Variants in RNF24 observed in about 807,000 individuals in gnomAD.
RNF24 encodes ring finger protein 24.
A neutral mutation model predicts 20.0 loss-of-function variants in RNF24; 14 were observed. The observed-to-expected ratio is 0.70, with a 90% CI of 0.46 to 1.10. The LOEUF is 1.10. Among genes scored for constraint, RNF24 ranks in the 50% least tolerant of loss-of-function variants. The pLI, the probability that RNF24 is intolerant of heterozygous loss-of-function variation, is 0.00. For synonymous variants in RNF24, 45 were observed against 61.1 expected (o/e 0.74, Z 1.23); for missense variants, 124 against 177.6 (o/e 0.70, Z 1.71).
intron 1 of RNF24, among the ~76,000 whole-genome samples, chr20:3,986,129 T>G (rs539997749): frequency 4.9e-4 from 74 of 152,312 alleles, no homozygotes; most frequent in African/African-American, 1.7e-3. Flanking sequence ...GAGACTTCAC[T>G]TTGAGGGCAA....
intron 1 of RNF24, among the ~76,000 whole-genome samples, chr20:4,000,676 T>C (rs1451001537): frequency 6.6e-6 from 1 of 152,218 alleles, no homozygotes; most frequent in Non-Finnish European, 1.5e-5. Flanking sequence ...CTAAGCTGGC[T>C]GCATAACTGA....
chr20:3,999,154 C>T lies in RNF24; in HGVS notation c.-8+16283G>A, dbSNP rs577287123. On this transcript the variant is annotated intron_variant, in intron 1 of 5. Coordinates refer to ENST00000358395, the MANE Select transcript of RNF24 (RefSeq NM_001134337.3). ...ATCATATAAGAATGTCTGAGTTATGCAGGATAGTCAGCTGGAAAATTAGTT... is the reference window on the plus strand; with the variant it reads ...ATCATATAAGAATGTCTGAGTTATGTAGGATAGTCAGCTGGAAAATTAGTT... Among the ~76,000 whole-genome samples the T allele has an allele frequency of 2.4e-4, 36 of 152,242 alleles. No individual in the cohort carries two copies. In the South Asian group the frequency reaches 7.5e-3, roughly 32 times the overall value.
In RNF24 at chr20:3,932,732, T is replaced by C; in HGVS notation, c.*1331A>G. 2.5e-6 allele frequency: 1 copy of C among 394,262 alleles called. No individual in the cohort carries two copies. The highest frequency in any genetic ancestry group is 4.5e-6 in the Non-Finnish European group (1 of 223,836). The allele number at this position is 394,262 out of a possible 1,614,324, so 24.4% of individuals were successfully genotyped here. ...GGAATTGAGGCAGGCGCTCCTAAGA[T>C]GGAGGGAGGCGGAGAGCAGGGCTGT... On this transcript the variant is annotated 3_prime_UTR_variant, in exon 6 of 6. Coordinates refer to ENST00000358395, the MANE Select transcript of RNF24 (RefSeq NM_001134337.3).
chr20:4,013,655 G>GT (rs1331472105), intron 1 of RNF24, among the ~76,000 whole-genome samples: 1 of 151,906 alleles, frequency 6.6e-6, no homozygotes, highest in Non-Finnish European at 1.5e-5. Context: ...CTAATTTTTT[G>GT]TATTTTTTTA....
In RNF24 at chr20:3,941,791, G is replaced by A. The variant is rs2090958108; in HGVS notation, c.228+3386C>T. Among the ~76,000 whole-genome samples, 3 of 152,064 alleles carry A rather than the reference G, an allele frequency of 2.0e-5. No homozygotes were observed. In the South Asian group the frequency reaches 6.2e-4, roughly 32 times the overall value. On this transcript the variant is annotated intron_variant, in intron 4 of 5. Coordinates refer to ENST00000358395, the MANE Select transcript of RNF24 (RefSeq NM_001134337.3). ...ATGGGTAGATTGAAAATAAAAAGAT[G>A]AAGCTGGGCATGGTGGCTCACGCCT...
chr20:4,013,544 G>A (rs1319932783), intron 1 of RNF24, among the ~76,000 whole-genome samples: 1 of 152,066 alleles, frequency 6.6e-6, no homozygotes, highest in Admixed American at 6.5e-5. Flanking sequence ...GCAATGGCGC[G>A]ATCTAGGCTC....
intron 1 of RNF24, among the ~76,000 whole-genome samples, chr20:3,978,999 C>A (rs1271740182): frequency 6.6e-6 from 1 of 150,426 alleles, no homozygotes; most frequent in Non-Finnish European, 1.5e-5. Context: ...CCAGCTGAGG[C>A]AGGAGAAACG....
In RNF24 at chr20:4,013,765, G is replaced by A. The variant is rs1186699378; in HGVS notation, c.-8+1672C>T. ...CCCCCAAAGTGCTGGGATTACAGGT[G>A]TGAGCCACCGCACCCGACCCATAAT... On this transcript the variant is annotated intron_variant, in intron 1 of 5. Coordinates refer to ENST00000358395, the MANE Select transcript of RNF24 (RefSeq NM_001134337.3). Among the ~76,000 whole-genome samples, 5 of 152,328 alleles carry A rather than the reference G, an allele frequency of 3.3e-5. No homozygotes were observed. In the East Asian group the frequency reaches 7.7e-4, roughly 23 times the overall value.
chr20:3,973,195 C>T (rs895120062), intron 1 of RNF24, among the ~76,000 whole-genome samples: 3 of 150,802 alleles, frequency 2.0e-5, no homozygotes, highest in African/African-American at 4.9e-5. Flanking sequence ...ACACGCGAAA[C>T]GCCATCTCAA....
chr20:3,985,520 T>C (rs974064384), intron 1 of RNF24, among the ~76,000 whole-genome samples: 3 of 152,190 alleles, frequency 2.0e-5, no homozygotes, highest in African/African-American at 7.2e-5. Flanking sequence ...TCTGCTACCA[T>C]TGTTTTCTCT....
chr20:3,992,536 T>TG (rs397712700), intron 1 of RNF24, among the ~76,000 whole-genome samples: 1 of 152,052 alleles, frequency 6.6e-6, no homozygotes, highest in East Asian at 1.9e-4. Flanking sequence ...TTTTTTTTTT[T>TG]GCTGTTGTTC....
intron 1 of RNF24, among the ~76,000 whole-genome samples, chr20:3,992,061 C>T (rs964119325): frequency 3.9e-5 from 6 of 152,178 alleles, no homozygotes; most frequent in Admixed American, 3.3e-4. Context: ...TCTAATACTA[C>T]ATTGATTACA....
At chr20:3,945,945 A>G (rs1010781229) in intron 3 of RNF24, among the ~76,000 whole-genome samples, 1 of 152,190 alleles carries the variant, frequency 6.6e-6, no homozygotes, top group Non-Finnish European at 1.5e-5. Flanking sequence ...ACATTCCTGA[A>G]CTAAAAATGG....
At chr20:3,968,378 G>T (rs568403737) in intron 1 of RNF24, among the ~76,000 whole-genome samples, 1 of 152,184 alleles carries the variant, frequency 6.6e-6, no homozygotes, top group Non-Finnish European at 1.5e-5. Context: ...GGAGGCTGAG[G>T]TGGGAGGACT....
At chr20:4,014,061 G>T (rs1295001009) in intron 1 of RNF24, among the ~76,000 whole-genome samples, 1 of 152,194 alleles carries the variant, frequency 6.6e-6, no homozygotes, top group Non-Finnish European at 1.5e-5. Context: ...CAGAGTCAAC[G>T]TTTGTGGGAA....
rs146246582 is a variant in RNF24, at chr20:4,009,535, T to A, written c.-8+5902A>T. 1.6e-3 allele frequency among the ~76,000 whole-genome samples: 246 copies of A among 152,158 alleles called. 1 individual carries two copies. The highest frequency in any genetic ancestry group is 5.7e-3 in the African/African-American group (237 of 41,518). On this transcript the variant is annotated intron_variant, in intron 1 of 5. Coordinates refer to ENST00000358395, the MANE Select transcript of RNF24 (RefSeq NM_001134337.3). ...GTCTAAGGAAGGCAGATTTCTACAT[T>A]TGGTTGGGGGGAAGATGAGTGGTTT...
At chr20:3,945,359 T>C (rs1384820395) in intron 3 of RNF24, 141 bp from the exon 4 acceptor site, 1 of 878,192 alleles carries the variant, frequency 1.1e-6, no homozygotes, top group Admixed American at 3.5e-5. Context: ...TCTTTTACAG[T>C]TTGAGACAGA....
intron 4 of RNF24, among the ~76,000 whole-genome samples, chr20:3,944,797 A>G (rs140129443): frequency 6.6e-6 from 1 of 152,260 alleles, no homozygotes; most frequent in East Asian, 1.9e-4. Flanking sequence ...TACCCCCATG[A>G]GATAACTGCT....
chr20:3,973,833 C>A lies in RNF24; in HGVS notation c.-7-9809G>T, dbSNP rs1303852422. Among the ~76,000 whole-genome samples, 3 of 152,116 alleles carry A rather than the reference C, an allele frequency of 2.0e-5. No homozygotes were observed. The East Asian group carries it at 5.8e-4, about 29-fold the overall frequency. On this transcript the variant is annotated intron_variant, in intron 1 of 5. Coordinates refer to ENST00000358395, the MANE Select transcript of RNF24 (RefSeq NM_001134337.3). ...CCAAAAGTTTAAATAAGAATGAGCA[C>A]AAATCCTTGACAATCTTTTGCAGAG...
Sources: allele counts gnomAD v4.1 joint callset (sites outside exome capture counted in the v4.1 genomes callset), GRCh38; gene constraint gnomAD v4.1.1; transcripts MANE v1.5; gene names NCBI Gene and HGNC (gene_info 2026-07-23, HGNC 2026-07-21).